The following INTS6 variants were observed in gnomAD, a reference collection of about 807,000 sequenced individuals.
INTS6 encodes the protein DEAD box protein.
Under a neutral mutation model 104.9 loss-of-function variants are expected in INTS6, and 16 were observed. That is an observed-to-expected ratio of 0.15 (90% CI 0.10 to 0.23). The LOEUF is 0.23. Ranked by LOEUF, INTS6 falls within the 10% of genes least tolerant of loss-of-function variation. INTS6 has a pLI of 1.00. For missense variants in INTS6, 584 were observed against 1,062.8 expected, an observed-to-expected ratio of 0.55 and a Z score of 6.26; for synonymous variants, 324 against 358.7, an observed-to-expected ratio of 0.90 and a Z score of 1.09.
downstream of INTS6, among the ~76,000 whole-genome samples, chr13:51,360,466 ATCTT>A (rs1336730643): frequency 3.9e-5 from 6 of 152,140 alleles, no homozygotes; most frequent in Non-Finnish European, 7.4e-5. Flanking sequence ...CTGGTTCTAA[ATCTT>A]TCATTTTTTA....
intron 4 of INTS6, among the ~76,000 whole-genome samples, chr13:51,397,509 C>A (rs1463974152): frequency 6.6e-6 from 1 of 152,222 alleles, no homozygotes; most frequent in Non-Finnish European, 1.5e-5. Context: ...CCCAGCCTCA[C>A]AGGCTCTGTG....
the INTS6 span, among the ~76,000 whole-genome samples, chr13:51,343,357 C>T: frequency 1.3e-5 from 2 of 152,198 alleles, no homozygotes; most frequent in Non-Finnish European, 2.9e-5. Context: ...GCTTGGGGTA[C>T]GCCACTGTGT....
In INTS6 at chr13:51,361,764, A is replaced by T. The variant is rs770604696; in HGVS notation, c.*3988T>A. The T allele has an allele frequency of 1.4e-5, 21 of 1,512,586 alleles. No homozygotes were observed. Among genetic ancestry groups the T allele is most frequent in the Non-Finnish European group, 1.8e-5 (20 of 1,120,206 alleles). 93.7% of individuals were successfully genotyped at this position (1,512,586 alleles called of 1,614,324 possible). On this transcript the variant is annotated 3_prime_UTR_variant, in exon 18 of 18. Transcript: ENST00000311234. ...CTTCATAACCAATAGTTATTTTCTT[A>T]AAAATGCACAGAAAATGCAATGGAA...
chr13:51,428,184 A>C (rs1484183170), intron 4 of INTS6, among the ~76,000 whole-genome samples: 2 of 152,240 alleles, frequency 1.3e-5, no homozygotes, highest in Non-Finnish European at 2.9e-5. Context: ...AAGCAAAATC[A>C]TTATGGATAA....
the INTS6 span, among the ~76,000 whole-genome samples, chr13:51,336,577 C>G: frequency 6.6e-6 from 1 of 152,162 alleles, no homozygotes; most frequent in Non-Finnish European, 1.5e-5. Context: ...ATTCCAAAGC[C>G]CCTTCTTATG....
At chr13:51,392,236 T>C (rs1226343150) in intron 5 of INTS6, among the ~76,000 whole-genome samples, 1 of 152,244 alleles carries the variant, frequency 6.6e-6, no homozygotes, top group Non-Finnish European at 1.5e-5. Flanking sequence ...ACATCATACT[T>C]GGAATATAAA....
chr13:51,452,936 C>CTGAGGGAAGATTGGCCCTGGGGCTGT lies in INTS6; in HGVS notation c.-437_-412dup. The CTGAGGGAAGATTGGCCCTGGGGCTGT allele has an allele frequency of 9.4e-7, 1 of 1,062,996 alleles. No individual in the cohort carries two copies. Among genetic ancestry groups the CTGAGGGAAGATTGGCCCTGGGGCTGT allele is most frequent in the Non-Finnish European group, 1.1e-6 (1 of 876,982 alleles). The allele number at this position is 1,062,996 out of a possible 1,614,324, so 65.8% of individuals were successfully genotyped here. On this transcript the variant is annotated 5_prime_UTR_variant, in exon 1 of 18. Transcript: ENST00000311234. This position sits in a 1 kb window ranked among gnomAD's most constrained non-coding sequence, Gnocchi z 4.2. ...GGGAGCTGGCGAAGAGGGGAGTGGG[C>CTGAGGGAAGATTGGCCCTGGGGCTGT]TGAGGGAAGATTGGCCCTGGGGCTG...
chr13:51,361,374 G>A (rs1267392280), downstream of INTS6: 1 of 1,556,668 alleles, frequency 6.4e-7, no homozygotes, highest in South Asian at 1.1e-5. Flanking sequence ...GGTATGTTCA[G>A]AGAATACCCA....
intron 4 of INTS6, among the ~76,000 whole-genome samples, chr13:51,427,736 T>C (rs1321378909): frequency 6.6e-6 from 1 of 152,180 alleles, no homozygotes; most frequent in Non-Finnish European, 1.5e-5. Flanking sequence ...AATTTTGAAC[T>C]CAATGACTAC....
Position 51,369,187 on chromosome 13 carries a change from C to T in INTS6, c.2228G>A (p.Ser743Asn), listed in dbSNP as rs1955753262. Residue 743 changes from serine to asparagine, a missense_variant, in exon 16 of 18, where the codon AGT becomes AAT. Transcript: ENST00000311234. The part of the protein sequence containing the change: ...DTEFSASSPA[S>N]LLERPTNHME... ...ATGATTGGTTGGCCGTTCCAGTAAA[C>T]TGGCTGGAGAAGATGCTGAAAATTC... is the stretch of plus-strand genomic sequence containing the variant. The T allele has an allele frequency of 6.2e-7, 1 of 1,613,894 alleles. No homozygotes were observed. The highest frequency in any genetic ancestry group is 8.5e-7 in the Non-Finnish European group (1 of 1,179,870).
At chr13:51,403,711 T>A (rs1417835784) in intron 4 of INTS6, among the ~76,000 whole-genome samples, 1 of 152,056 alleles carries the variant, frequency 6.6e-6, no homozygotes, top group Non-Finnish European at 1.5e-5. Context: ...ATAATCATGC[T>A]TCCCACTTAA....
the INTS6 span, chr13:51,347,297 G>C: frequency 1.4e-6 from 2 of 1,405,024 alleles, no homozygotes; most frequent in Non-Finnish European, 2.0e-6. Flanking sequence ...GGGCAGGAGA[G>C]AGGAGGCCAG....
chr13:51,347,243 T>C, the INTS6 span: 1 of 1,611,154 alleles, frequency 6.2e-7, no homozygotes, highest in African/African-American at 1.3e-5. Flanking sequence ...CGGTGAGCTC[T>C]GCCCCTGCTG....
intron 4 of INTS6, among the ~76,000 whole-genome samples, chr13:51,403,588 A>G (rs1175573272): frequency 6.9e-6 from 1 of 145,458 alleles, no homozygotes; most frequent in Non-Finnish European, 1.5e-5. Flanking sequence ...TTTCAAAAAA[A>G]AAAAAGAAAA....
rs1373183314 is a variant in INTS6, at chr13:51,403,581, CAAAAAAAAAAAAGAAAAAAAAAAGA to C, written c.430-8123_430-8099del. ...TGGGGGACAGAGTGAGACTCCATTT[CAAAAAAAAAAAAGAAAAAAAAAAGA>C]AAAAAAAAAAAAGAAAAAGATTTCC... On this transcript the variant is annotated intron_variant, in intron 4 of 17. Coordinates refer to ENST00000311234, the MANE Select transcript of INTS6 (RefSeq NM_012141.3). Among the ~76,000 whole-genome samples the C allele has an allele frequency of 1.2e-3, 24 of 20,310 alleles. 1 individual carries two copies. The highest frequency in any genetic ancestry group is 9.0e-4 in the Non-Finnish European group (9 of 9,958). The allele number at this position is 20,310 out of a possible 152,430, so 13.3% of individuals were successfully genotyped here. A position where few individuals can be genotyped will look rare whatever the true frequency, so the allele number is the denominator to read the frequency against.
At chr13:51,377,879 T>C (rs1042370004) in intron 12 of INTS6, among the ~76,000 whole-genome samples, 2 of 152,130 alleles carry the variant, frequency 1.3e-5, no homozygotes, top group African/African-American at 4.8e-5. Context: ...TCTGTAACCA[T>C]GAGTACTCAC....
At chr13:51,389,274 C>CAA in intron 6 of INTS6, 45 bp downstream of exon 6, 1 of 1,593,694 alleles carries the variant, frequency 6.3e-7, no homozygotes, top group Admixed American at 1.8e-5. Flanking sequence ...GTTGAATAAA[C>CAA]AATAAAGCAA....
chr13:51,354,564 C>T (rs1018090977), intron 3 of INTS6, among the ~76,000 whole-genome samples: 4 of 150,142 alleles, frequency 2.7e-5, no homozygotes, highest in South Asian at 2.1e-4. Flanking sequence ...GAGTCCAGCC[C>T]GGGCAACATA....
chr13:51,422,986 C>T, intron 4 of INTS6: 3 of 1,041,056 alleles, frequency 2.9e-6, no homozygotes, highest in Non-Finnish European at 3.8e-6. Context: ...TTTATTTCTG[C>T]CATGAGATTT....
Sources: gnomAD v4.1 joint callset for allele counts (sites outside exome capture counted in the v4.1 genomes callset) on GRCh38, gnomAD v4.1.1 for gene constraint, Gnocchi (gnomAD v3.1) non-coding constraint, MANE v1.5 for transcripts, NCBI Gene and HGNC (gene_info 2026-07-23, HGNC 2026-07-21) for gene names.